CTNNA2: variants seen among roughly 807,000 people sequenced by gnomAD.
CTNNA2 encodes the protein catenin alpha-2.
A neutral mutation model predicts 101.0 loss-of-function variants in CTNNA2; 42 were observed. The ratio of observed to expected loss-of-function variants is 0.42; its 90% CI spans 0.32 to 0.54. The LOEUF (loss-of-function observed/expected upper bound fraction) is 0.54. Ranked by LOEUF, CTNNA2 falls within the 20% of genes least tolerant of loss-of-function variation. The pLI is 0.14. For missense variants in CTNNA2, 871 were observed against 1,223.1 expected (o/e 0.71, Z 4.29); for synonymous variants, 450 against 456.4 (o/e 0.99, Z 0.18).
intron 7 of CTNNA2, among the ~76,000 whole-genome samples, chr2:80,156,987 C>T (rs553650481): frequency 6.6e-5 from 10 of 152,314 alleles, no homozygotes; most frequent in African/African-American, 1.9e-4. Context: ...TCTTGCTCTA[C>T]CCCTCTCCAT....
intron 7 of CTNNA2, among the ~76,000 whole-genome samples, chr2:80,070,819 T>C (rs1246416811): frequency 6.6e-6 from 1 of 152,096 alleles, no homozygotes; most frequent in African/African-American, 2.4e-5. Context: ...CTCATCTCCT[T>C]TCTTCTTCCA....
chr2:79,727,380 A>G (rs1686914535), intron 2 of CTNNA2, among the ~76,000 whole-genome samples: 1 of 152,140 alleles, frequency 6.6e-6, no homozygotes, highest in South Asian at 2.1e-4. Context: ...GACTCCCTGT[A>G]AACCCCAGAA....
chr2:80,473,618 A>T (rs1685484813), intron 9 of CTNNA2, among the ~76,000 whole-genome samples: 1 of 152,222 alleles, frequency 6.6e-6, no homozygotes, highest in South Asian at 2.1e-4. Flanking sequence ...TGAAAGCTCC[A>T]GACTCTGGCA....
chr2:79,365,755 C>T (rs897121538), intron 3 of CTNNA2, among the ~76,000 whole-genome samples: 1 of 151,668 alleles, frequency 6.6e-6, no homozygotes, highest in African/African-American at 2.4e-5. Flanking sequence ...GAATGTGACT[C>T]CTTCTTTGTG....
intron 1 of CTNNA2, among the ~76,000 whole-genome samples, chr2:79,616,995 G>A (rs771242069): frequency 9.3e-5 from 14 of 151,176 alleles, no homozygotes; most frequent in African/African-American, 2.7e-4. Context: ...TCCACCTCCC[G>A]GGTTCAAGCG....
chr2:80,519,349 T>TCCA, intron 9 of CTNNA2, among the ~76,000 whole-genome samples: 1 of 152,122 alleles, frequency 6.6e-6, no homozygotes, highest in East Asian at 1.9e-4. Flanking sequence ...ACCGAAAAAG[T>TCCA]GACAAGATCA....
intron 7 of CTNNA2, among the ~76,000 whole-genome samples, chr2:80,081,969 T>C (rs1314727404): frequency 6.6e-6 from 1 of 152,112 alleles, no homozygotes; most frequent in African/African-American, 2.4e-5. Context: ...GTATATGAAA[T>C]TTCTATTTAG....
At chr2:79,584,662 G>T (rs1676364657) in intron 1 of CTNNA2, among the ~76,000 whole-genome samples, 1 of 151,834 alleles carries the variant, frequency 6.6e-6, no homozygotes. Flanking sequence ...AGGGAGTACA[G>T]GCACACACCA....
At chr2:80,228,023 G>A (rs1352994856) in intron 7 of CTNNA2, among the ~76,000 whole-genome samples, 3 of 151,978 alleles carry the variant, frequency 2.0e-5, no homozygotes, top group African/African-American at 7.3e-5. Context: ...TCAGTGGTTA[G>A]TGTACAGTGT....
intron 9 of CTNNA2, among the ~76,000 whole-genome samples, chr2:80,534,203 C>T (rs948252905): frequency 1.7e-4 from 26 of 152,104 alleles, no homozygotes; most frequent in African/African-American, 6.3e-4. Context: ...CTAGAAAATG[C>T]AGATTTGTGT....
At chr2:80,372,712 C>T (rs1478271116) in intron 7 of CTNNA2, among the ~76,000 whole-genome samples, 2 of 148,812 alleles carry the variant, frequency 1.3e-5, no homozygotes, top group African/African-American at 2.5e-5. Flanking sequence ...AGCCACGTTA[C>T]TTCTCAGTCA....
At chr2:80,558,217 T>A (rs1693216945) in intron 12 of CTNNA2, among the ~76,000 whole-genome samples, 1 of 152,208 alleles carries the variant, frequency 6.6e-6, no homozygotes, top group Non-Finnish European at 1.5e-5. Context: ...ACAATTTCTT[T>A]GGTATTTGTC....
chr2:79,381,758 T>C (rs886667711), intron 4 of CTNNA2, among the ~76,000 whole-genome samples: 2 of 152,204 alleles, frequency 1.3e-5, no homozygotes, highest in African/African-American at 4.8e-5. Context: ...TGAGGCATAA[T>C]AGATTGCTCA....
chr2:79,843,193 G>T (rs150692932), intron 3 of CTNNA2, among the ~76,000 whole-genome samples: 1 of 152,332 alleles, frequency 6.6e-6, no homozygotes, highest in Non-Finnish European at 1.5e-5. Context: ...TAAGAAGTGT[G>T]CACTTTGGTG....
chr2:79,969,680 A>G (rs1264785003), intron 7 of CTNNA2, among the ~76,000 whole-genome samples: 1 of 152,202 alleles, frequency 6.6e-6, no homozygotes, highest in Non-Finnish European at 1.5e-5. Context: ...CAGTGGTGGT[A>G]GGGGACTCAC....
chr2:79,389,138 G>A (rs1335629984), intron 4 of CTNNA2, among the ~76,000 whole-genome samples: 1 of 152,136 alleles, frequency 6.6e-6, no homozygotes, highest in Admixed American at 6.5e-5. Context: ...GATACCAAAA[G>A]AATACAAACA....
chr2:80,007,760 G>A lies in CTNNA2; in HGVS notation c.1056+97963G>A, dbSNP rs118045003. On this transcript the variant is annotated intron_variant, in intron 7 of 18. Transcript: ENST00000402739. Reference sequence around the variant, plus strand: ...AGCCAGAAGTGAGAGAAGGGGTAAGGGGAGGTGTATTCACTAATGGAGTCC... The same window carrying A: ...AGCCAGAAGTGAGAGAAGGGGTAAGAGGAGGTGTATTCACTAATGGAGTCC... Among the ~76,000 whole-genome samples the A allele has an allele frequency of 6.8e-4, 104 of 152,258 alleles. No homozygotes were observed. In the East Asian group the frequency reaches 0.017, roughly 25 times the overall value.
At chr2:80,521,699 G>T (rs202183541) in intron 9 of CTNNA2, among the ~76,000 whole-genome samples, 1 of 152,192 alleles carries the variant, frequency 6.6e-6, no homozygotes, top group African/African-American at 2.4e-5. Context: ...ACAAGGGAAC[G>T]AATTCTCTCC....
chr2:79,410,379 C>A (rs1409070089), intron 4 of CTNNA2, among the ~76,000 whole-genome samples: 4 of 148,458 alleles, frequency 2.7e-5, no homozygotes, highest in African/African-American at 9.9e-5. Context: ...TGTCTTGTGC[C>A]AGTTTTCAAA....
Sources: gnomAD v4.1 joint callset for allele counts (sites outside exome capture counted in the v4.1 genomes callset) on GRCh38, gnomAD v4.1.1 for gene constraint, MANE v1.5 for transcripts, NCBI Gene and HGNC (gene_info 2026-07-23, HGNC 2026-07-21) for gene names.